Variants in ACTR3C observed in about 807,000 individuals in gnomAD.
ACTR3C encodes the protein actin related protein 3C, also known as actin-related protein 3C.
Under a neutral mutation model 26.3 loss-of-function variants are expected in ACTR3C, and 18 were observed. That is an observed-to-expected ratio of 0.68 (90% CI 0.47 to 1.01). The LOEUF is 1.01. Ranked by LOEUF, ACTR3C falls within the 50% of genes least tolerant of loss-of-function variation. The pLI is 0.00. For synonymous variants in ACTR3C, 55 were observed against 94.5 expected (o/e 0.58, Z 2.42); for missense variants, 184 against 250.7 (o/e 0.73, Z 1.80).
In ACTR3C at chr7:150,323,511, A is replaced by G. The variant is rs967329899; in HGVS notation, c.-94T>C. ...GCTCTGCGGTGCGGAGTTGCGCCGG[A>G]CTTCCCAGCTTGGCCAGTGGCTCCG... On this transcript the variant is annotated 5_prime_UTR_variant, in exon 1 of 8. Transcript: ENST00000683684. 13 of 435,384 alleles carry G rather than the reference A, an allele frequency of 3.0e-5. No individual in the cohort carries two copies. The highest frequency in any genetic ancestry group is 2.5e-4 in the Admixed American group (10 of 39,988). The allele number at this position is 435,384 out of a possible 1,614,324, so 27.0% of individuals were successfully genotyped here. A position where few individuals can be genotyped will look rare whatever the true frequency, so the allele number is the denominator to read the frequency against.
chr7:150,028,628 C>G, the ACTR3C span, among the ~76,000 whole-genome samples: 2 of 152,270 alleles, frequency 1.3e-5, no homozygotes, highest in South Asian at 2.1e-4. Flanking sequence ...CTTTATCCCC[C>G]CACCTGACAC....
intron 6 of ACTR3C, among the ~76,000 whole-genome samples, chr7:150,257,554 A>G (rs1833310394): frequency 6.6e-6 from 1 of 152,238 alleles, no homozygotes; most frequent in Admixed American, 6.5e-5. Flanking sequence ...ATACACCCAA[A>G]GAGTTGAATG....
the ACTR3C span, among the ~76,000 whole-genome samples, chr7:150,038,784 C>G: frequency 4.2e-5 from 6 of 144,164 alleles, no homozygotes; most frequent in African/African-American, 1.1e-4. Context: ...GTCTGGCTCT[C>G]AGTCCCCGCC....
the ACTR3C span, among the ~76,000 whole-genome samples, chr7:150,056,363 G>T: frequency 6.6e-6 from 1 of 152,070 alleles, no homozygotes; most frequent in Non-Finnish European, 1.5e-5. Flanking sequence ...CCATGTATCT[G>T]CTTCTTGTGG....
At chr7:149,912,621 GCCT>G in the ACTR3C span, among the ~76,000 whole-genome samples, 1 of 151,482 alleles carries the variant, frequency 6.6e-6, no homozygotes, top group Non-Finnish European at 1.5e-5. Flanking sequence ...TCCTGCCTCA[GCCT>G]CCTCAGTAGC....
At chr7:150,080,716 T>C in the ACTR3C span, among the ~76,000 whole-genome samples, 3 of 152,182 alleles carry the variant, frequency 2.0e-5, no homozygotes, top group Non-Finnish European at 4.4e-5. Flanking sequence ...GAAAAGAGTT[T>C]CCTGCAGACA....
At chr7:149,902,025 G>T in the ACTR3C span, among the ~76,000 whole-genome samples, 4 of 146,704 alleles carry the variant, frequency 2.7e-5, no homozygotes, top group Non-Finnish European at 4.5e-5. Context: ...AACCAGAAAA[G>T]ACATGACTAC....
chr7:150,302,445 T>C (rs1795498123), intron 1 of ACTR3C, among the ~76,000 whole-genome samples: 2 of 151,838 alleles, frequency 1.3e-5, no homozygotes, highest in African/African-American at 2.4e-5. Flanking sequence ...ACATTATTTC[T>C]TATAAAACCA....
At chr7:149,993,495 G>A in the ACTR3C span, among the ~76,000 whole-genome samples, 1 of 152,068 alleles carries the variant, frequency 6.6e-6, no homozygotes, top group African/African-American at 2.4e-5. Flanking sequence ...GATGTTTTAG[G>A]AGAACCTAAT....
At chr7:150,131,158 T>A in the ACTR3C span, among the ~76,000 whole-genome samples, 7,109 of 151,216 alleles carry the variant, frequency 0.047, no homozygotes, top group African/African-American at 0.16. Context: ...CACAAAAAAG[T>A]ATAGAAAAAT....
the ACTR3C span, among the ~76,000 whole-genome samples, chr7:150,212,711 G>A: frequency 6.6e-6 from 1 of 152,226 alleles, no homozygotes; most frequent in Non-Finnish European, 1.5e-5. Flanking sequence ...GTAAGTGTTA[G>A]TGAAGTGTCC....
At chr7:150,234,344 T>C in the ACTR3C span, among the ~76,000 whole-genome samples, 1 of 152,346 alleles carries the variant, frequency 6.6e-6, no homozygotes, top group East Asian at 1.9e-4. Flanking sequence ...GATAAGTCTC[T>C]GCTAAAGGTT....
chr7:150,098,326 G>A, the ACTR3C span, among the ~76,000 whole-genome samples: 1 of 151,712 alleles, frequency 6.6e-6, no homozygotes, highest in East Asian at 1.9e-4. Flanking sequence ...GAGATATGTG[G>A]GATCAGGCCT....
At chr7:150,049,621 C>G in the ACTR3C span, among the ~76,000 whole-genome samples, 4 of 152,270 alleles carry the variant, frequency 2.6e-5, no homozygotes, top group Admixed American at 6.5e-5. Context: ...CAGAGAGAGG[C>G]CTGCCTGGGC....
the ACTR3C span, among the ~76,000 whole-genome samples, chr7:150,212,746 T>C: frequency 6.6e-6 from 1 of 152,204 alleles, no homozygotes; most frequent in African/African-American, 2.4e-5. Context: ...CTAACCTTCA[T>C]GATGCCCAAG....
chr7:150,117,178 G>T, the ACTR3C span, among the ~76,000 whole-genome samples: 1 of 152,144 alleles, frequency 6.6e-6, no homozygotes, highest in Admixed American at 6.5e-5. Context: ...CACCAAGCTA[G>T]CTGGAGGAGT....
the ACTR3C span, among the ~76,000 whole-genome samples, chr7:149,965,276 C>T: frequency 8.4e-6 from 1 of 118,806 alleles, no homozygotes; most frequent in Non-Finnish European, 1.7e-5. Flanking sequence ...TCTATCCCTA[C>T]AGACGAGGTT....
chr7:149,947,124 C>A, the ACTR3C span, among the ~76,000 whole-genome samples: 1 of 151,588 alleles, frequency 6.6e-6, no homozygotes, highest in Admixed American at 6.6e-5. Flanking sequence ...CAGTGGCAGC[C>A]ACTGCTCCGT....
the ACTR3C span, among the ~76,000 whole-genome samples, chr7:150,048,609 C>A: frequency 2.0e-5 from 3 of 151,672 alleles, no homozygotes; most frequent in African/African-American, 7.3e-5. Flanking sequence ...GCAGGCCGGC[C>A]AGGGGGCGAC....
Sources: allele counts gnomAD v4.1 joint callset (sites outside exome capture counted in the v4.1 genomes callset), GRCh38; gene constraint gnomAD v4.1.1; transcripts MANE v1.5; gene names NCBI Gene and HGNC (gene_info 2026-07-23, HGNC 2026-07-21).